The following MOCOS variants were observed in gnomAD, a reference collection of about 807,000 sequenced individuals.
MOCOS encodes the protein molybdenum cofactor sulfurase, also known as human molybdenum cofactor sulfurase.
Under a neutral mutation model 83.6 loss-of-function variants are expected in MOCOS, and 86 were observed. That is an observed-to-expected ratio of 1.03 (90% CI 0.86 to 1.23). MOCOS has a LOEUF of 1.23. Ranked by LOEUF, MOCOS falls within the 50% of genes most tolerant of loss-of-function variation. MOCOS has a pLI of 0.00. For synonymous variants in MOCOS, 445 were observed against 434.7 expected, an observed-to-expected ratio of 1.02 and a Z score of -0.29; for missense variants, 1,120 against 1,126.9, an observed-to-expected ratio of 0.99 and a Z score of 0.09.
At chr18:36,238,667 G>A (rs972877545) in intron 9 of MOCOS, among the ~76,000 whole-genome samples, 5 of 132,130 alleles carry the variant, frequency 3.8e-5, no homozygotes, top group Admixed American at 8.4e-5. Context: ...GTGCAGAGCT[G>A]AGTTCAATTC....
intron 9 of MOCOS, among the ~76,000 whole-genome samples, chr18:36,237,682 G>A (rs1488102057): frequency 2.0e-5 from 3 of 152,048 alleles, no homozygotes; most frequent in African/African-American, 4.8e-5. Context: ...TTTTTCTATT[G>A]ATTGGAATAG....
chr18:36,228,585 A>G (rs2091526464), intron 9 of MOCOS, among the ~76,000 whole-genome samples: 2 of 152,182 alleles, frequency 1.3e-5, no homozygotes, highest in Non-Finnish European at 2.9e-5. Context: ...TAGGAACAGA[A>G]AACCAAATAC....
At chr18:36,223,979 G>C (rs74363012) in intron 9 of MOCOS, among the ~76,000 whole-genome samples, 9,785 of 152,198 alleles carry the variant, frequency 0.064, 393 homozygotes, top group Admixed American at 0.11. Flanking sequence ...CAACAGGCAT[G>C]TGCCACCATG....
chr18:36,236,912 C>T (rs1329265867), intron 9 of MOCOS, among the ~76,000 whole-genome samples: 31 of 151,994 alleles, frequency 2.0e-4, no homozygotes, highest in African/African-American at 7.2e-4. Flanking sequence ...TGGGAGTTCA[C>T]TCATGATTTG....
intron 9 of MOCOS, among the ~76,000 whole-genome samples, chr18:36,235,646 C>T (rs1432861394): frequency 6.6e-6 from 1 of 150,448 alleles, no homozygotes; most frequent in African/African-American, 2.5e-5. Flanking sequence ...GGTATATACC[C>T]AGTAATGGGA....
intron 1 of MOCOS, among the ~76,000 whole-genome samples, chr18:36,187,883 C>T (rs2091347879): frequency 6.6e-6 from 1 of 152,242 alleles, no homozygotes; most frequent in South Asian, 2.1e-4. Flanking sequence ...GCTACTCTTA[C>T]TCTTCCGACT....
chr18:36,190,521 G>A (rs1235279032), intron 1 of MOCOS, among the ~76,000 whole-genome samples: 1 of 152,110 alleles, frequency 6.6e-6, no homozygotes, highest in Non-Finnish European at 1.5e-5. Flanking sequence ...GGCTGAGGTG[G>A]GCAGATCACT....
intron 11 of MOCOS, among the ~76,000 whole-genome samples, chr18:36,255,884 G>GTT (rs74181121): frequency 2.3e-3 from 312 of 134,044 alleles, no homozygotes; most frequent in Non-Finnish European, 4.2e-3. Context: ...CCTTTTAGTA[G>GTT]TTTTTTTTTT....
intron 2 of MOCOS, among the ~76,000 whole-genome samples, chr18:36,197,643 C>A (rs1017076753): frequency 5.9e-5 from 9 of 152,228 alleles, no homozygotes; most frequent in Middle Eastern, 3.4e-3. Context: ...TGTGGTGGCA[C>A]ATGCCTGTTG....
chr18:36,189,532 A>T (rs2091356820), intron 1 of MOCOS, among the ~76,000 whole-genome samples: 1 of 152,180 alleles, frequency 6.6e-6, no homozygotes, highest in Admixed American at 6.5e-5. Context: ...TGCCAATTTG[A>T]GAATTACTCT....
intron 13 of MOCOS, among the ~76,000 whole-genome samples, chr18:36,261,650 C>T (rs1278490227): frequency 6.6e-6 from 1 of 152,106 alleles, no homozygotes; most frequent in Non-Finnish European, 1.5e-5. Context: ...TTTTTAACTC[C>T]CTAGACTTCC....
chr18:36,197,413 T>G (rs1214953848), intron 2 of MOCOS, among the ~76,000 whole-genome samples: 4 of 151,332 alleles, frequency 2.6e-5, no homozygotes, highest in Non-Finnish European at 4.4e-5. Context: ...TCTAAAATAC[T>G]CTTCCCGATC....
At chr18:36,190,633 C>T (rs2091361260) in intron 1 of MOCOS, among the ~76,000 whole-genome samples, 1 of 151,998 alleles carries the variant, frequency 6.6e-6, no homozygotes, top group Non-Finnish European at 1.5e-5. Flanking sequence ...CCTAAAGTCC[C>T]AGCTACTGTG....
chr18:36,228,005 A>G (rs1038357396), intron 9 of MOCOS, among the ~76,000 whole-genome samples: 7 of 152,224 alleles, frequency 4.6e-5, no homozygotes, highest in Non-Finnish European at 1.0e-4. Flanking sequence ...CAACCCCATA[A>G]AAAGTAGGCA....
Position 36,203,190 on chromosome 18 carries a change from G to A in MOCOS, c.1018+1G>A, listed in dbSNP as rs1263742366. The stretch of plus-strand genomic sequence containing the variant: ...TTTGACACCCTAGAGCGCCTCACAG[G>A]TCAGTGGACATTTCTATCCCTGTGG... On this transcript the variant is annotated splice_donor_variant, in intron 5 of 14. Coordinates refer to ENST00000261326, the MANE Select transcript of MOCOS (RefSeq NM_017947.4). LOFTEE classifies it high-confidence loss of function. The A allele has an allele frequency of 6.2e-7, 1 of 1,613,344 alleles. No homozygotes were observed. The highest frequency in any genetic ancestry group is 8.5e-7 in the Non-Finnish European group (1 of 1,179,292).
chr18:36,222,879 C>T (rs1015211438), intron 9 of MOCOS, among the ~76,000 whole-genome samples: 2 of 152,306 alleles, frequency 1.3e-5, no homozygotes, highest in Non-Finnish European at 2.9e-5. Flanking sequence ...GGATTACAGG[C>T]GTGAGCCATC....
At chr18:36,220,352 A>G in intron 9 of MOCOS, 135 bp downstream of exon 9, 2 of 1,250,332 alleles carry the variant, frequency 1.6e-6, no homozygotes, top group Non-Finnish European at 2.2e-6. Context: ...CAAAAAAAAA[A>G]AAAAAATTAT....
chr18:36,238,465 G>A (rs1395573140), intron 9 of MOCOS, among the ~76,000 whole-genome samples: 62 of 149,296 alleles, frequency 4.2e-4, no homozygotes, highest in Non-Finnish European at 7.2e-4. Context: ...TCTTAATCCT[G>A]AGTTCTAGTT....
intron 10 of MOCOS, among the ~76,000 whole-genome samples, chr18:36,250,873 A>T (rs1191621863): frequency 6.6e-6 from 1 of 152,194 alleles, no homozygotes; most frequent in East Asian, 1.9e-4. Context: ...TCAAATTCTA[A>T]GCATTCTAAG....
Sources: allele counts gnomAD v4.1 joint callset (sites outside exome capture counted in the v4.1 genomes callset), GRCh38; gene constraint gnomAD v4.1.1; transcripts MANE v1.5; gene names NCBI Gene and HGNC (gene_info 2026-07-23, HGNC 2026-07-21).